RALGAPA1: variants seen among roughly 807,000 people sequenced by gnomAD.
RALGAPA1 encodes ral GTPase-activating protein subunit alpha-1.
RALGAPA1 carries 52 observed loss-of-function variants against 269.6 expected under a neutral mutation model. The ratio of observed to expected loss-of-function variants is 0.19; its 90% CI spans 0.15 to 0.24. The LOEUF is 0.24. Ranked by LOEUF, RALGAPA1 falls within the 10% of genes least tolerant of loss-of-function variation. The pLI is 1.00. For missense variants in RALGAPA1, 1,917 were observed against 3,013.9 expected, an observed-to-expected ratio of 0.64 and a Z score of 8.52; for synonymous variants, 817 against 1,008.3, an observed-to-expected ratio of 0.81 and a Z score of 3.60.
intron 4 of RALGAPA1, among the ~76,000 whole-genome samples, chr14:35,770,604 T>G (rs1309054805): frequency 1.3e-5 from 2 of 152,188 alleles, no homozygotes; most frequent in Non-Finnish European, 1.5e-5. Flanking sequence ...TATTTAGCAC[T>G]TTGCATTTTT....
chr14:35,781,594 CTAT>C (rs2075433081), intron 1 of RALGAPA1, among the ~76,000 whole-genome samples: 1 of 151,690 alleles, frequency 6.6e-6, no homozygotes, highest in Non-Finnish European at 1.5e-5. Flanking sequence ...ATCTATCTAT[CTAT>C]CTATCTATCT....
chr14:35,733,024 A>T (rs190282811), intron 12 of RALGAPA1, among the ~76,000 whole-genome samples: 39 of 152,360 alleles, frequency 2.6e-4, no homozygotes, highest in African/African-American at 8.4e-4. Context: ...AATAAATTTT[A>T]AAAAATTGAA....
chr14:35,745,321 T>C (rs1595402930), intron 10 of RALGAPA1, among the ~76,000 whole-genome samples: 1 of 151,920 alleles, frequency 6.6e-6, no homozygotes, highest in East Asian at 1.9e-4. Flanking sequence ...CAAAATACAT[T>C]ACTAAACAGT....
At chr14:35,756,687 G>T in intron 7 of RALGAPA1, 106 bp downstream of exon 7, 1 of 788,610 alleles carries the variant, frequency 1.3e-6, no homozygotes, top group Admixed American at 2.9e-5. Context: ...CTGACAAAAA[G>T]AAAATAAGCA....
intron 1 of RALGAPA1, among the ~76,000 whole-genome samples, chr14:35,803,614 G>C (rs893621051): frequency 5.9e-5 from 9 of 151,432 alleles, no homozygotes; most frequent in African/African-American, 2.2e-4. Context: ...TACAGTATCT[G>C]TATCTAGAAT....
intron 21 of RALGAPA1, among the ~76,000 whole-genome samples, chr14:35,679,309 A>G (rs1218984256): frequency 1.3e-5 from 2 of 152,226 alleles, no homozygotes; most frequent in Non-Finnish European, 2.9e-5. Flanking sequence ...AGTAAAGCAA[A>G]AAACCAATAT....
In RALGAPA1 at chr14:35,683,949, G is replaced by A. The variant is rs772646361; in HGVS notation, c.4331C>T (p.Ser1444Phe). The change falls in exon 21 of 42, where the codon TCT becomes TTT. Residue 1444 changes from serine to phenylalanine, a missense_variant. This residue lies in a region of RALGAPA1 where 615 missense variants were observed against 790.0 expected (regional missense o/e 0.78). Transcript: ENST00000680220. ...GCCAGAACCTGAATCCACATCAGCA[G>A]AGGACGTAACCCCAGTGTCGGTTCC... is the stretch of plus-strand genomic sequence containing the variant. ...GFGTDTGVTS[S>F]ADVDSGSGHH... The A allele has an allele frequency of 3.1e-6, 5 of 1,613,086 alleles. No homozygotes were observed. Among genetic ancestry groups the A allele is most frequent in the Non-Finnish European group, 4.2e-6 (5 of 1,179,614 alleles).
intron 16 of RALGAPA1, 110 bp downstream of exon 16, chr14:35,721,578 T>C: frequency 9.7e-7 from 1 of 1,030,208 alleles, no homozygotes; most frequent in Non-Finnish European, 1.4e-6. Flanking sequence ...CAGTTTTTCA[T>C]TTCACAACAA....
At chr14:35,576,191 A>C (rs2057549167) in intron 37 of RALGAPA1, among the ~76,000 whole-genome samples, 1 of 152,224 alleles carries the variant, frequency 6.6e-6, no homozygotes, top group African/African-American at 2.4e-5. Flanking sequence ...TACAGTATCA[A>C]CACATGCTCT....
intron 7 of RALGAPA1, among the ~76,000 whole-genome samples, chr14:35,755,565 A>AT (rs35312627): frequency 0.35 from 52,882 of 151,992 alleles, 12,705 homozygotes; most frequent in African/African-American, 0.67. Context: ...GTACAAAAGT[A>AT]TTTTTAAAGA....
In RALGAPA1 at chr14:35,538,635, C is replaced by T. The variant is rs950264909; in HGVS notation, c.*1079G>A. ...CCTGGACCTGCAAGTTCAGTATTAA[C>T]AATATTAGATTTAACTTAGACTCCT... On this transcript the variant is annotated 3_prime_UTR_variant, in exon 42 of 42. Coordinates refer to ENST00000680220, the MANE Select transcript of RALGAPA1 (RefSeq NM_001346249.2). 6.6e-6 allele frequency: 1 copy of T among 152,466 alleles called. No individual in the cohort carries two copies. The highest frequency in any genetic ancestry group is 1.5e-5 in the Non-Finnish European group (1 of 68,034). 9.4% of individuals were successfully genotyped at this position (152,466 alleles called of 1,614,324 possible).
chr14:35,609,922 T>C (rs1446113539), intron 35 of RALGAPA1, among the ~76,000 whole-genome samples: 2 of 140,938 alleles, frequency 1.4e-5, no homozygotes, highest in East Asian at 4.1e-4. Context: ...GGTGAGACCC[T>C]GTCTCCAAAA....
chr14:35,711,656 C>A (rs559322792), intron 16 of RALGAPA1, among the ~76,000 whole-genome samples: 10 of 152,022 alleles, frequency 6.6e-5, no homozygotes, highest in Admixed American at 2.0e-4. Flanking sequence ...CACCATGTTA[C>A]GTAGGCTGGT....
intron 16 of RALGAPA1, among the ~76,000 whole-genome samples, chr14:35,708,172 G>A (rs1296796555): frequency 1.3e-5 from 2 of 152,028 alleles, no homozygotes; most frequent in Non-Finnish European, 2.9e-5. Flanking sequence ...AGAAAACTTT[G>A]GGGAAACTCT....
chr14:35,726,153 A>T (rs1456894853), intron 13 of RALGAPA1, among the ~76,000 whole-genome samples: 1 of 152,192 alleles, frequency 6.6e-6, no homozygotes, highest in Admixed American at 6.5e-5. Context: ...GAAATGTGGC[A>T]GGGGCGGCAA....
At chr14:35,702,897 GC>G (rs1444144243) in intron 16 of RALGAPA1, among the ~76,000 whole-genome samples, 1 of 151,542 alleles carries the variant, frequency 6.6e-6, no homozygotes, top group Non-Finnish European at 1.5e-5. Context: ...CTGCTACCAC[GC>G]CAGGCTAATT....
intron 26 of RALGAPA1, among the ~76,000 whole-genome samples, chr14:35,669,612 G>T (rs979904752): frequency 6.6e-6 from 1 of 152,170 alleles, no homozygotes. Flanking sequence ...CTTGCCCAAG[G>T]TCACACAGCT....
intron 4 of RALGAPA1, chr14:35,766,736 C>T (rs1484503461): frequency 3.7e-6 from 2 of 541,680 alleles, no homozygotes; most frequent in Non-Finnish European, 7.4e-6. Context: ...AAGTGAGATG[C>T]CTCATTGCTA....
intron 35 of RALGAPA1, among the ~76,000 whole-genome samples, chr14:35,614,329 C>G (rs1228510439): frequency 1.3e-5 from 2 of 152,026 alleles, no homozygotes; most frequent in Non-Finnish European, 2.9e-5. Flanking sequence ...TGTCCATCGA[C>G]TGATGAATGG....
Sources: allele counts gnomAD v4.1 joint callset (sites outside exome capture counted in the v4.1 genomes callset), GRCh38; gene constraint gnomAD v4.1.1; regional missense constraint gnomAD v4.1.1; transcripts MANE v1.5; gene names NCBI Gene and HGNC (gene_info 2026-07-23, HGNC 2026-07-21).